The following SYNPR variants were observed in gnomAD, a reference collection of about 807,000 sequenced individuals.
The protein encoded by SYNPR is synaptoporin.
A neutral mutation model predicts 32.9 loss-of-function variants in SYNPR; 23 were observed. The observed-to-expected ratio is 0.70, with a 90% CI of 0.50 to 0.99. SYNPR has a LOEUF of 0.99. Ranked by LOEUF, SYNPR falls within the 50% of genes least tolerant of loss-of-function variation. The pLI is 0.00. For missense variants in SYNPR, 318 were observed against 349.3 expected, an observed-to-expected ratio of 0.91 and a Z score of 0.71; for synonymous variants, 146 against 135.9, an observed-to-expected ratio of 1.07 and a Z score of -0.52.
rs34865189 is a variant in SYNPR, at chr3:63,415,417, ATT to A, written c.85-65402_85-65401del. On this transcript the variant is annotated intron_variant, in intron 2 of 5. Coordinates refer to ENST00000478300, the MANE Select transcript of SYNPR (RefSeq NM_001130003.2). ...CAAATCCTGTCTCAGAGAATTAAGA[ATT>A]TTTTTTTTTTTTACGTTTTTAAAGG... 1.2e-3 allele frequency among the ~76,000 whole-genome samples: 174 copies of A among 149,164 alleles called. 2 individuals are homozygous for A. The highest frequency in any genetic ancestry group is 6.9e-3 in the Middle Eastern group (2 of 290).
intron 2 of SYNPR, among the ~76,000 whole-genome samples, chr3:63,404,388 A>T (rs2088331836): frequency 6.6e-6 from 1 of 152,182 alleles, no homozygotes; most frequent in South Asian, 2.1e-4. Context: ...TAATAGTCTC[A>T]CATGAATTAT....
intron 2 of SYNPR, among the ~76,000 whole-genome samples, chr3:63,281,955 G>A (rs1404573671): frequency 1.3e-5 from 2 of 152,198 alleles, no homozygotes; most frequent in East Asian, 3.8e-4. Flanking sequence ...GGCTGAGATG[G>A]GAGGATTGCT....
At chr3:63,566,338 T>C (rs1451622964) in intron 4 of SYNPR, among the ~76,000 whole-genome samples, 5 of 152,212 alleles carry the variant, frequency 3.3e-5, no homozygotes, top group South Asian at 2.1e-4. Flanking sequence ...CATCTTGTAT[T>C]GATTTTTCCT....
At chr3:63,503,951 G>T (rs911041060) in intron 3 of SYNPR, among the ~76,000 whole-genome samples, 1 of 152,046 alleles carries the variant, frequency 6.6e-6, no homozygotes, top group African/African-American at 2.4e-5. Flanking sequence ...AGCATTAACA[G>T]ATTATAGAAG....
upstream of SYNPR, among the ~76,000 whole-genome samples, chr3:63,226,365 G>A (rs1175724556): frequency 6.6e-6 from 1 of 152,048 alleles, no homozygotes; most frequent in Non-Finnish European, 1.5e-5. Context: ...GTATCCAAAG[G>A]AAAAGAAATC....
intron 2 of SYNPR, among the ~76,000 whole-genome samples, chr3:63,356,824 G>T (rs1480627326): frequency 6.6e-6 from 1 of 152,184 alleles, no homozygotes; most frequent in African/African-American, 2.4e-5. Flanking sequence ...TTTTCTCAAC[G>T]ATGAAGGCAA....
chr3:63,480,668 C>G (rs559617137), intron 2 of SYNPR, among the ~76,000 whole-genome samples, 164 bp from the exon 3 acceptor site: 72 of 152,136 alleles, frequency 4.7e-4, no homozygotes, highest in Non-Finnish European at 8.8e-4. Flanking sequence ...GTCCCCAGTC[C>G]TCACTCCATT....
chr3:63,349,099 A>G (rs2087473516), intron 2 of SYNPR, among the ~76,000 whole-genome samples: 1 of 149,072 alleles, frequency 6.7e-6, no homozygotes, highest in African/African-American at 2.4e-5. Context: ...GATAATTTTA[A>G]CAACATTAAT....
At chr3:63,593,895 C>T (rs58805987) in intron 4 of SYNPR, among the ~76,000 whole-genome samples, 1,843 of 152,202 alleles carry the variant, frequency 0.012, 26 homozygotes, top group African/African-American at 0.036. Context: ...TGGTCTCCCC[C>T]ACTCTCTTCC....
intron 4 of SYNPR, among the ~76,000 whole-genome samples, chr3:63,591,238 A>G (rs867483872): frequency 0.033 from 4,382 of 133,474 alleles, 326 homozygotes; most frequent in African/African-American, 0.12. Flanking sequence ...AGAGAAATGC[A>G]AATCAAAACC....
intron 2 of SYNPR, among the ~76,000 whole-genome samples, chr3:63,310,613 G>A (rs2086954521): frequency 6.6e-6 from 1 of 151,942 alleles, no homozygotes; most frequent in African/African-American, 2.4e-5. Flanking sequence ...AAGGCCAGTG[G>A]GAAGAATATC....
At chr3:63,348,097 G>C (rs372681456) in intron 2 of SYNPR, among the ~76,000 whole-genome samples, 1 of 152,102 alleles carries the variant, frequency 6.6e-6, no homozygotes, top group African/African-American at 2.4e-5. Flanking sequence ...AGTTCTTTGA[G>C]AAATATCCAT....
chr3:63,228,851 A>C (rs2086148193), intron 1 of SYNPR, among the ~76,000 whole-genome samples: 1 of 151,998 alleles, frequency 6.6e-6, no homozygotes, highest in Admixed American at 6.6e-5. Context: ...TTTTGCTTTC[A>C]CGCCATCTGA....
chr3:63,237,348 G>C (rs1296026525), intron 1 of SYNPR, among the ~76,000 whole-genome samples: 3 of 151,968 alleles, frequency 2.0e-5, no homozygotes, highest in Non-Finnish European at 1.5e-5. Context: ...AGGCCAACCA[G>C]TGAGTGTTGT....
rs564596293 is a variant in SYNPR, at chr3:63,447,665, C to T, written c.85-33167C>T. On this transcript the variant is annotated intron_variant, in intron 2 of 5. Coordinates refer to ENST00000478300, the MANE Select transcript of SYNPR (RefSeq NM_001130003.2). ...GTGTGTCTTTAAATGTTTAAAGATT[C>T]AGGGTTTGAAAATGGAAACACCTCA... Among the ~76,000 whole-genome samples, 3 of 152,026 alleles carry T rather than the reference C, an allele frequency of 2.0e-5. No homozygotes were observed. In the South Asian group the frequency reaches 6.2e-4, roughly 32 times the overall value.
At position 63,510,936 on chromosome 3, in the gene SYNPR, C is replaced by CGTGCGT. The variant is rs10657639; in HGVS notation, c.209+29981_209+29982insTGCGTG. Among the ~76,000 whole-genome samples the CGTGCGT allele has an allele frequency of 1.3e-4, 19 of 150,674 alleles. 1 individual carries two copies. The highest frequency in any genetic ancestry group is 6.3e-4 in the South Asian group (3 of 4,766). On this transcript the variant is annotated intron_variant, in intron 3 of 5. Transcript: ENST00000478300. Reference sequence around the variant, plus strand: ...ACAACTGTGTGTGTGTGTGTGTGTGCGCGCACGTTGTGTGTGTGTGTTTCA... The same window carrying CGTGCGT: ...ACAACTGTGTGTGTGTGTGTGTGTGCGTGCGTGCGCACGTTGTGTGTGTGTGTTTCA...
At chr3:63,302,109 C>T (rs1293978216) in intron 2 of SYNPR, among the ~76,000 whole-genome samples, 1 of 151,980 alleles carries the variant, frequency 6.6e-6, no homozygotes, top group East Asian at 1.9e-4. Flanking sequence ...TCATTTTCTA[C>T]CCAGTTGAAA....
chr3:63,290,141 A>AGAAAAAATC (rs1553864585), intron 2 of SYNPR, among the ~76,000 whole-genome samples: 1 of 145,450 alleles, frequency 6.9e-6, no homozygotes, highest in Non-Finnish European at 1.5e-5. Flanking sequence ...AAAAACAAAA[A>AGAAAAAATC]AACTCCTTTT....
chr3:63,583,586 G>T (rs1703130035), intron 4 of SYNPR, among the ~76,000 whole-genome samples: 1 of 152,052 alleles, frequency 6.6e-6, no homozygotes, highest in South Asian at 2.1e-4. Flanking sequence ...AGCTAACAAG[G>T]TGCCAGTTGG....
Sources: gnomAD v4.1 joint callset for allele counts (sites outside exome capture counted in the v4.1 genomes callset) on GRCh38, gnomAD v4.1.1 for gene constraint, MANE v1.5 for transcripts, NCBI Gene and HGNC (gene_info 2026-07-23, HGNC 2026-07-21) for gene names.